The following NKAIN1 variants were observed in gnomAD, a reference collection of about 807,000 sequenced individuals.
NKAIN1 encodes sodium/potassium-transporting ATPase subunit beta-1-interacting protein 1.
NKAIN1 carries 13 observed loss-of-function variants against 31.6 expected under a neutral mutation model. That is an observed-to-expected ratio of 0.41 (90% CI 0.27 to 0.65). NKAIN1 has a LOEUF of 0.65. Among genes scored for constraint, NKAIN1 ranks in the 30% least tolerant of loss-of-function variants. The pLI is 0.30. For missense variants in NKAIN1, 193 were observed against 262.2 expected (o/e 0.74, Z 1.82); for synonymous variants, 104 against 109.0 (o/e 0.95, Z 0.28).
At chr1:31,201,899 C>A (rs1387924462) in intron 1 of NKAIN1, among the ~76,000 whole-genome samples, 1 of 152,188 alleles carries the variant, frequency 6.6e-6, no homozygotes, top group African/African-American at 2.4e-5. Context: ...GAGGGGTAAT[C>A]TTCCTCCTCC....
intron 1 of NKAIN1, among the ~76,000 whole-genome samples, chr1:31,192,602 G>A (rs1003009460): frequency 1.3e-5 from 2 of 152,062 alleles, no homozygotes; most frequent in South Asian, 4.2e-4. Flanking sequence ...CCAGGCTGGA[G>A]TGCAGTGGCG....
intron 1 of NKAIN1, among the ~76,000 whole-genome samples, chr1:31,209,661 A>T (rs1570466152): frequency 2.1e-5 from 3 of 144,188 alleles, no homozygotes; most frequent in South Asian, 4.1e-4. Context: ...TACAAAAAAT[A>T]AAAAAAGTAG....
rs1362646284 is a variant in NKAIN1 at position 31,231,743 on chromosome 1, G to A, written c.54+7751C>T. Reference sequence around the variant, plus strand: ...GACAGGGTTTCACAGTGTTAGCCAGGATGGTCTCGATCTCCTGACCTTGTG... The same window carrying A: ...GACAGGGTTTCACAGTGTTAGCCAGAATGGTCTCGATCTCCTGACCTTGTG... On this transcript the variant is annotated intron_variant, in intron 1 of 6. Coordinates refer to ENST00000373736, the MANE Select transcript of NKAIN1 (RefSeq NM_024522.3). Among the ~76,000 whole-genome samples, 7 of 150,012 alleles carry A rather than the reference G, an allele frequency of 4.7e-5. No homozygotes were observed. The East Asian group carries it at 1.2e-3, about 26-fold the overall frequency.
intron 1 of NKAIN1, among the ~76,000 whole-genome samples, chr1:31,205,613 GTTTTTTTTTT>G (rs761138403): frequency 5.2e-5 from 5 of 96,524 alleles, no homozygotes; most frequent in Non-Finnish European, 9.6e-5. Flanking sequence ...AGCCGGACAA[GTTTTTTTTTT>G]TTTTTTTTTT....
Position 31,232,410 on chromosome 1 carries a change from T to TGG in NKAIN1, c.54+7083_54+7084insCC, listed in dbSNP as rs1557664401. 4.8e-4 allele frequency among the ~76,000 whole-genome samples: 16 copies of TGG among 33,212 alleles called. 3 individuals are homozygous for TGG. Among genetic ancestry groups the TGG allele is most frequent in the African/African-American group, 1.4e-3 (16 of 11,614 alleles). 21.8% of individuals were successfully genotyped at this position (33,212 alleles called of 152,430 possible). ...CTGGCCTACTTCATATATATATATA[T>TGG]ATATATATATATATAGAGAGAGAGA... On this transcript the variant is annotated intron_variant, in intron 1 of 6. Transcript: ENST00000373736.
chr1:31,203,429 G>A (rs1194921070), intron 1 of NKAIN1, among the ~76,000 whole-genome samples: 3 of 148,598 alleles, frequency 2.0e-5, no homozygotes, highest in Admixed American at 6.8e-5. Flanking sequence ...TTGAAACGGC[G>A]CTGCAGAGCC....
intron 1 of NKAIN1, among the ~76,000 whole-genome samples, chr1:31,224,723 C>CTGGA (rs1263349976): frequency 6.6e-6 from 1 of 152,240 alleles, no homozygotes; most frequent in African/African-American, 2.4e-5. Context: ...GAGAAGGCAC[C>CTGGA]TGGATCCAGA....
chr1:31,224,413 C>T (rs1177572825), intron 1 of NKAIN1, among the ~76,000 whole-genome samples: 2 of 152,194 alleles, frequency 1.3e-5, no homozygotes, highest in African/African-American at 4.8e-5. Flanking sequence ...AATACAGATG[C>T]TCCTTGATTT....
At chr1:31,181,802 T>C (rs1645200320) in intron 6 of NKAIN1, 58 bp downstream of exon 6, 51 of 1,566,884 alleles carry the variant, frequency 3.3e-5, no homozygotes, top group Non-Finnish European at 4.4e-5. Flanking sequence ...CTCCATCCCC[T>C]CCTTTTCGCA....
intron 1 of NKAIN1, among the ~76,000 whole-genome samples, chr1:31,208,629 T>TG (rs202124168): frequency 3.1e-4 from 24 of 76,346 alleles, no homozygotes; most frequent in African/African-American, 8.1e-4. Flanking sequence ...CCCCACATAG[T>TG]GGGGGGAGGG....
chr1:31,188,339 T>C, intron 1 of NKAIN1, 152 bp from the exon 2 acceptor site: 1 of 805,226 alleles, frequency 1.2e-6, no homozygotes, highest in Non-Finnish European at 1.9e-6. Context: ...AAAGGGATGC[T>C]GGGGGGTCCT....
intron 1 of NKAIN1, among the ~76,000 whole-genome samples, chr1:31,211,561 T>A (rs995432058): frequency 2.6e-5 from 4 of 151,462 alleles, no homozygotes; most frequent in African/African-American, 9.7e-5. Flanking sequence ...ACTTCCCAAA[T>A]TGATCTACAG....
rs1397485503 is a variant in NKAIN1, at chr1:31,181,860, G to T, written c.614C>A (p.Thr205Lys). 6.2e-7 allele frequency: 1 copy of T among 1,605,700 alleles called. No individual in the cohort carries two copies. Among genetic ancestry groups the T allele is most frequent in the South Asian group, 1.1e-5 (1 of 89,226 alleles). Residue 205 changes from threonine (T) to lysine (K), a missense_variant and splice_region_variant, in exon 6 of 7, where the codon ACG (threonine) becomes AAG (lysine). Transcript: ENST00000373736. ...AAGCCAGCAGGGGGCCGTGACCCACGTGTACAGAGGCTGCAGCTGTAAATG... is the reference window on the plus strand; with the variant it reads ...AAGCCAGCAGGGGGCCGTGACCCACTTGTACAGAGGCTGCAGCTGTAAATG... ...TSHLQLQPLY[T>K]SG
chr1:31,219,701 GTC>G (rs1645547463), intron 1 of NKAIN1, among the ~76,000 whole-genome samples: 1 of 152,194 alleles, frequency 6.6e-6, no homozygotes, highest in Non-Finnish European at 1.5e-5. Flanking sequence ...CCAAAGGAAG[GTC>G]TCAGGCCACA....
At chr1:31,232,469 A>AGAGG in intron 1 of NKAIN1, among the ~76,000 whole-genome samples, 1 of 122,024 alleles carries the variant, frequency 8.2e-6, no homozygotes, top group Non-Finnish European at 1.7e-5. Context: ...AGAGAGAGAG[A>AGAGG]GAGTGGGGGA....
chr1:31,182,049 C>T lies in NKAIN1; in HGVS notation c.533-108G>A, dbSNP rs1570446546. 31 of 1,138,674 alleles carry T rather than the reference C, an allele frequency of 2.7e-5. No individual in the cohort carries two copies. The South Asian group carries it at 3.9e-4, about 14-fold the overall frequency. The allele number at this position is 1,138,674 out of a possible 1,614,324, so 70.5% of individuals were successfully genotyped here. ...AGGGCAGGACTCCCACCCTAGGAAG[C>T]GGAGCCAGAGAAGCCATGAGGAGGG... On this transcript the variant is annotated intron_variant, in intron 5 of 6. Coordinates refer to ENST00000373736, the MANE Select transcript of NKAIN1 (RefSeq NM_024522.3).
chr1:31,190,672 C>T (rs1645278210), intron 1 of NKAIN1, among the ~76,000 whole-genome samples: 2 of 152,176 alleles, frequency 1.3e-5, no homozygotes, highest in Non-Finnish European at 2.9e-5. Flanking sequence ...ATGGAAGTCA[C>T]TGGACTAGGT....
At chr1:31,234,535 G>A (rs1012564761) in intron 1 of NKAIN1, among the ~76,000 whole-genome samples, 1 of 150,768 alleles carries the variant, frequency 6.6e-6, no homozygotes, top group Non-Finnish European at 1.5e-5. Flanking sequence ...CTATGTGTCT[G>A]GCACCTGGCC....
chr1:31,184,148 C>T (rs778325971), intron 3 of NKAIN1, 134 bp from the exon 4 acceptor site: 3 of 706,690 alleles, frequency 4.2e-6, no homozygotes, highest in Non-Finnish European at 6.9e-6. Context: ...ATTTGACCAA[C>T]AGGTGGCACT....
Sources: gnomAD v4.1 joint callset for allele counts (sites outside exome capture counted in the v4.1 genomes callset) on GRCh38, gnomAD v4.1.1 for gene constraint, MANE v1.5 for transcripts, NCBI Gene and HGNC (gene_info 2026-07-23, HGNC 2026-07-21) for gene names.